P2RX6: variants seen among roughly 807,000 people sequenced by gnomAD.
P2RX6 encodes the protein purinergic receptor P2X 6.
P2RX6 carries 62 observed loss-of-function variants against 54.2 expected under a neutral mutation model. The ratio of observed to expected loss-of-function variants is 1.14; its 90% CI spans 0.93 to 1.41. The LOEUF (loss-of-function observed/expected upper bound fraction) is 1.41, where lower values mean the gene tolerates loss of function less well. Among genes scored for constraint, P2RX6 ranks in the 40% most tolerant of loss-of-function variants. P2RX6 has a pLI of 0.00. For synonymous variants in P2RX6, 211 were observed against 231.9 expected (o/e 0.91, Z 0.82); for missense variants, 541 against 566.3 (o/e 0.96, Z 0.45).
At chr22:21,023,747 C>G (rs1927909013) in intron 8 of P2RX6, 129 bp downstream of exon 8, 1 of 681,138 alleles carries the variant, frequency 1.5e-6, no homozygotes, top group Non-Finnish European at 2.6e-6. Flanking sequence ...GTCCCAGGAG[C>G]AGGAGAGAGC....
chr22:21,026,138 C>T lies in P2RX6; in HGVS notation c.1050+62C>T, dbSNP rs1928405292. 2 of 1,551,846 alleles carry T rather than the reference C, an allele frequency of 1.3e-6. No homozygotes were observed. Among genetic ancestry groups the T allele is most frequent in the Admixed American group, 1.9e-5 (1 of 53,748 alleles). On this transcript the variant is annotated intron_variant, in intron 10 of 11. Transcript: ENST00000413302. This position sits in a 1 kb window ranked among gnomAD's most constrained non-coding sequence, Gnocchi z 4.0. ...TGAGTGCTGCTGACCAGGGTGTGTC[C>T]AATGCATGCTGGAGCCTCCGGTGCC... is the stretch of plus-strand genomic sequence containing the variant.
upstream of P2RX6, among the ~76,000 whole-genome samples, chr22:21,013,606 G>C (rs1349407700): frequency 1.3e-5 from 2 of 152,066 alleles, no homozygotes; most frequent in Admixed American, 6.5e-5. Context: ...AATACATAAA[G>C]TCTCACAGCT....
chr22:21,016,822 C>G (rs1389546725), intron 2 of P2RX6, among the ~76,000 whole-genome samples: 2 of 152,132 alleles, frequency 1.3e-5, no homozygotes, highest in African/African-American at 4.8e-5. Flanking sequence ...TCCCCAGCCT[C>G]AACTGCCACT....
chr22:21,014,998 A>C, upstream of P2RX6: 36 of 493,786 alleles, frequency 7.3e-5, no homozygotes, highest in Middle Eastern at 5.0e-4. Flanking sequence ...AGCAAAGGGA[A>C]TGTAGGGAGG....
rs779684679 is a variant in P2RX6 at position 21,026,653 on chromosome 22, G to A, written c.*36G>A. 22 of 1,546,212 alleles carry A rather than the reference G, an allele frequency of 1.4e-5. No homozygotes were observed. The Admixed American group carries it at 4.1e-4, about 29-fold the overall frequency. ...CTGGTTGAGAGTTGGGGGCTGGGAA[G>A]GGCGGGGCCCTGCCTGGGGATCTCA... On this transcript the variant is annotated 3_prime_UTR_variant, in exon 12 of 12. Transcript: ENST00000413302. The surrounding 1 kb of genome is among the most constrained non-coding windows in gnomAD (Gnocchi z 4.0).
chr22:21,020,579 CT>C (rs371860947), intron 3 of P2RX6, among the ~76,000 whole-genome samples: 53,327 of 132,274 alleles, frequency 0.4, 10,502 homozygotes, highest in African/African-American at 0.52. Context: ...TGAGCAGAAT[CT>C]TTTTTTTTTT....
intron 1 of P2RX6, 69 bp from the exon 2 acceptor site, chr22:21,015,873 T>C: frequency 6.8e-7 from 1 of 1,474,694 alleles, no homozygotes; most frequent in Non-Finnish European, 9.2e-7. Context: ...ACTGAGCATG[T>C]AGGGCTCAGC....
At chr22:21,024,656 T>G (rs921319672) in intron 8 of P2RX6, among the ~76,000 whole-genome samples, 1 of 152,110 alleles carries the variant, frequency 6.6e-6, no homozygotes, top group Non-Finnish European at 1.5e-5. Context: ...CTGCAACCTC[T>G]GCCTCCTGGG....
chr22:21,015,862 A>G, intron 1 of P2RX6, 80 bp from the exon 2 acceptor site: 2 of 1,420,944 alleles, frequency 1.4e-6, no homozygotes, highest in Non-Finnish European at 1.9e-6. Flanking sequence ...GTGGGGGGAG[A>G]ACTGAGCATG....
At chr22:21,017,644 G>A (rs550502259) in intron 2 of P2RX6, among the ~76,000 whole-genome samples, 17 of 152,338 alleles carry the variant, frequency 1.1e-4, no homozygotes, top group African/African-American at 3.8e-4. Flanking sequence ...GAGTCCAGGA[G>A]TTAGAGGTTG....
chr22:21,017,577 T>C (rs1210321409), intron 2 of P2RX6, among the ~76,000 whole-genome samples: 3 of 152,204 alleles, frequency 2.0e-5, no homozygotes, highest in African/African-American at 4.8e-5. Context: ...GAGCCAGGCA[T>C]GGTAGCTGGA....
At chr22:21,018,887 C>G (rs547222291) in intron 3 of P2RX6, 1 of 152,040 alleles carries the variant, frequency 6.6e-6, no homozygotes, top group Non-Finnish European at 1.5e-5. Context: ...TCCCAAAGTG[C>G]TGGGATTACA....
intron 3 of P2RX6, 95 bp from the exon 4 acceptor site, chr22:21,022,581 G>A (rs944766977): frequency 2.6e-5 from 24 of 920,196 alleles, no homozygotes; most frequent in South Asian, 6.1e-5. Flanking sequence ...AAGGGGGCCT[G>A]TCCTTCCCAC....
At chr22:21,022,631 A>C in intron 3 of P2RX6, 45 bp from the exon 4 acceptor site, 10 of 1,395,166 alleles carry the variant, frequency 7.2e-6, no homozygotes, top group Non-Finnish European at 9.6e-6. Context: ...TGTGGAGGGG[A>C]GACATCCCCT....
At chr22:21,010,532 T>A (rs1925679660), upstream of P2RX6, among the ~76,000 whole-genome samples, 1 of 152,118 alleles carries the variant, frequency 6.6e-6, no homozygotes, top group Non-Finnish European at 1.5e-5. Context: ...AGAGCTCTCC[T>A]GGGGCATCCA....
intron 3 of P2RX6, among the ~76,000 whole-genome samples, chr22:21,019,589 C>T (rs901216613): frequency 6.6e-6 from 1 of 152,270 alleles, no homozygotes; most frequent in Non-Finnish European, 1.5e-5. Context: ...GCTGGGATTA[C>T]AGGCGTGAGC....
In P2RX6 at chr22:21,026,594, C is replaced by T. The variant is rs891288273; in HGVS notation, c.1303C>T (p.Pro435Ser). The part of the protein sequence containing the change: ...WPCPSSDTHL[P>S]THSGSL ...CTGTCCAAGTTCTGACACCCACTTG[C>T]CAACCCATTCCGGGAGCCTGTAGCC... Residue 435 changes from proline (P) to serine (S), a missense_variant, in exon 12 of 12, where the codon CCA (proline) becomes TCA (serine). Pro to Ser is a moderately conservative substitution (Grantham distance 74). Coordinates refer to ENST00000413302, the MANE Select transcript of P2RX6 (RefSeq NM_005446.5). The surrounding 1 kb of genome is among the most constrained non-coding windows in gnomAD (Gnocchi z 4.0). 6.3e-7 allele frequency: 1 copy of T among 1,587,544 alleles called. No homozygotes were observed. The highest frequency in any genetic ancestry group is 8.6e-7 in the Non-Finnish European group (1 of 1,168,052).
intron 3 of P2RX6, among the ~76,000 whole-genome samples, chr22:21,019,481 T>G (rs2148032857): frequency 6.6e-6 from 1 of 152,210 alleles, no homozygotes; most frequent in East Asian, 1.9e-4. Flanking sequence ...GCCCAGCTAA[T>G]TTTTGTATTT....
Position 21,027,750 on chromosome 22 carries a change from AG to A in P2RX6, c.*1137del. 6.6e-6 allele frequency: 1 copy of A among 152,472 alleles called. No homozygotes were observed. The allele number at this position is 152,472 out of a possible 1,614,324, so 9.4% of individuals were successfully genotyped here. On this transcript the variant is annotated 3_prime_UTR_variant, in exon 12 of 12. Transcript: ENST00000413302. ...TGATCAGGGCAAGCTGTGGAGGGCCAGGGGTGGGGCTGAGACTGGGCTGACA... is the reference window on the plus strand; with the variant it reads ...TGATCAGGGCAAGCTGTGGAGGGCCAGGGTGGGGCTGAGACTGGGCTGACA...
Sources: allele counts gnomAD v4.1 joint callset (sites outside exome capture counted in the v4.1 genomes callset), GRCh38; gene constraint gnomAD v4.1.1; non-coding constraint Gnocchi (gnomAD v3.1); transcripts MANE v1.5; gene names NCBI Gene and HGNC (gene_info 2026-07-23, HGNC 2026-07-21).